SLC30A9: variants seen among roughly 807,000 people sequenced by gnomAD.
SLC30A9 encodes proton-coupled zinc antiporter SLC30A9, mitochondrial.
SLC30A9 carries 58 observed loss-of-function variants against 87.5 expected under a neutral mutation model. The observed-to-expected ratio is 0.66, with a 90% confidence interval of 0.54 to 0.82. The LOEUF is 0.82. Ranked by LOEUF, SLC30A9 falls within the 40% of genes least tolerant of loss-of-function variation. The pLI is 0.00. For missense variants in SLC30A9, 557 were observed against 679.1 expected (o/e 0.82, Z 2.00); for synonymous variants, 234 against 233.0 (o/e 1.00, Z -0.04).
intron 1 of SLC30A9, among the ~76,000 whole-genome samples, chr4:41,996,144 T>C (rs1714689077): frequency 6.6e-6 from 1 of 152,050 alleles, no homozygotes; most frequent in African/African-American, 2.4e-5. Context: ...TTTCCCAGGC[T>C]GAAATGCAAT....
intron 6 of SLC30A9, among the ~76,000 whole-genome samples, chr4:42,032,323 C>G (rs187335885): frequency 4.1e-4 from 63 of 152,188 alleles, no homozygotes; most frequent in African/African-American, 1.5e-3. Context: ...GTTTGCCAAC[C>G]CTATTTCAAT....
chr4:42,023,525 A>G, intron 6 of SLC30A9, 141 bp downstream of exon 6: 1 of 578,592 alleles, frequency 1.7e-6, no homozygotes, highest in Non-Finnish European at 3.1e-6. Flanking sequence ...CCGTTTTGGG[A>G]TTCAATTATT....
intron 8 of SLC30A9, among the ~76,000 whole-genome samples, chr4:42,046,480 A>T (rs569983018): frequency 5.3e-5 from 8 of 152,238 alleles, no homozygotes; most frequent in Non-Finnish European, 1.0e-4. Flanking sequence ...TCCCATTCAC[A>T]GTTGCTACAA....
chr4:42,033,638 C>T (rs563374304), intron 6 of SLC30A9, among the ~76,000 whole-genome samples: 2 of 152,056 alleles, frequency 1.3e-5, no homozygotes, highest in African/African-American at 2.4e-5. Flanking sequence ...TGCAGTGGCA[C>T]GATCTTGGCT....
Position 41,991,593 on chromosome 4 carries a change from A to G in SLC30A9, c.109+833A>G, listed in dbSNP as rs534074243. 1.4e-4 allele frequency among the ~76,000 whole-genome samples: 21 copies of G among 152,326 alleles called. No homozygotes were observed. The East Asian group carries it at 3.3e-3, about 24-fold the overall frequency. On this transcript the variant is annotated intron_variant, in intron 1 of 17. Transcript: ENST00000264451. ...AGTCCACCCTTAACCTAATCCCTCCATTCTTGGGATGCAGAGAGTATTTAC... is the reference window on the plus strand; with the variant it reads ...AGTCCACCCTTAACCTAATCCCTCCGTTCTTGGGATGCAGAGAGTATTTAC...
At chr4:41,996,274 T>G (rs1714700080) in intron 1 of SLC30A9, among the ~76,000 whole-genome samples, 1 of 151,818 alleles carries the variant, frequency 6.6e-6, no homozygotes, top group Non-Finnish European at 1.5e-5. Flanking sequence ...TTTTGTGTTT[T>G]TAGTAGAGAT....
At chr4:42,001,516 A>G in intron 1 of SLC30A9, 100 bp from the exon 2 acceptor site, 1 of 565,718 alleles carries the variant, frequency 1.8e-6, no homozygotes, top group East Asian at 3.2e-5. Context: ...TTTCATGTGT[A>G]CCTAGAAGCA....
At chr4:42,007,144 C>CT (rs1031971544) in intron 2 of SLC30A9, among the ~76,000 whole-genome samples, 17 of 151,612 alleles carry the variant, frequency 1.1e-4, no homozygotes, top group Non-Finnish European at 2.1e-4. Context: ...AATAATAATG[C>CT]TTTTTTTTAA....
At chr4:42,027,546 T>A (rs1281904887) in intron 6 of SLC30A9, among the ~76,000 whole-genome samples, 2 of 152,034 alleles carry the variant, frequency 1.3e-5, no homozygotes, top group Non-Finnish European at 2.9e-5. Context: ...TAAGTCACAG[T>A]TGAGCATGGA....
At chr4:42,058,333 C>T (rs1437537672) in intron 9 of SLC30A9, among the ~76,000 whole-genome samples, 2 of 152,178 alleles carry the variant, frequency 1.3e-5, no homozygotes, top group African/African-American at 2.4e-5. Context: ...TCTGAGACCA[C>T]CTCAGCCTGG....
intron 17 of SLC30A9, among the ~76,000 whole-genome samples, chr4:42,083,122 A>G (rs900662041): frequency 1.9e-4 from 29 of 152,202 alleles, no homozygotes; most frequent in African/African-American, 6.5e-4. Context: ...AGGCTGCTGT[A>G]GCATTCATAA....
chr4:42,022,901 T>C lies in SLC30A9; in HGVS notation c.498T>C (p.Thr166=). The C allele has an allele frequency of 6.3e-7, 1 of 1,592,642 alleles. No homozygotes were observed. Among genetic ancestry groups the C allele is most frequent in the Non-Finnish European group, 8.6e-7 (1 of 1,166,674 alleles). Residue 166 remains threonine, a synonymous_variant, in exon 5 of 18, where the codon ACT becomes ACC. Transcript: ENST00000264451. The part of the protein sequence containing the change: ...RSPHEDTESF[T]VYLRSDVEAK... ...CCCATGAAGATACTGAGTCTTTTAC[T>C]GTATACTTGAGATCAGATGTGGAAG...
rs947655589 is a variant in SLC30A9, at chr4:42,001,781, G to A, written c.274+1G>A. 6.3e-7 allele frequency: 1 copy of A among 1,597,330 alleles called. No homozygotes were observed. The highest frequency in any genetic ancestry group is 1.4e-5 in the African/African-American group (1 of 73,934). ...GAAAAAGTACCATCATTTGAAACAG[G>A]TATGTGTAATTTTTTTAATGTACTT... On this transcript the variant is annotated splice_donor_variant, in intron 2 of 17. Transcript: ENST00000264451. LOFTEE classifies it high-confidence loss of function.
In SLC30A9 at chr4:42,067,186, A is replaced by G. The variant is rs773628644; in HGVS notation, c.1246A>G (p.Ile416Val). ...AGCCACTTGCATGGGCCTTACTTCT[A>G]TAACAGGTAAATATTCCTTAAATTA... is the stretch of plus-strand genomic sequence containing the variant. ...IAATCMGLTS[I>V]TGNPLYDSLG... The change falls in exon 14 of 18, where the codon ATA becomes GTA. Residue 416 changes from isoleucine (I) to valine (V), a missense_variant. Physicochemically the swap from Ile to Val is conservative, Grantham distance 29. Transcript: ENST00000264451. 5.6e-5 allele frequency: 87 copies of G among 1,560,974 alleles called. No homozygotes were observed. Among genetic ancestry groups the G allele is most frequent in the Non-Finnish European group, 6.8e-5 (77 of 1,132,246 alleles).
At chr4:41,995,770 C>G (rs920088481) in intron 1 of SLC30A9, among the ~76,000 whole-genome samples, 1 of 152,242 alleles carries the variant, frequency 6.6e-6, no homozygotes, top group Non-Finnish European at 1.5e-5. Context: ...AGTGCACTGA[C>G]AGGATCACAG....
intron 1 of SLC30A9, among the ~76,000 whole-genome samples, chr4:41,997,189 T>G (rs1047533141): frequency 6.6e-6 from 1 of 152,012 alleles, no homozygotes; most frequent in African/African-American, 2.4e-5. Flanking sequence ...TGTTTTTTAC[T>G]CTGCTCTGGC....
At chr4:42,029,447 C>A in intron 6 of SLC30A9, 1 of 650,056 alleles carries the variant, frequency 1.5e-6, no homozygotes, top group Admixed American at 2.0e-5. Context: ...CCAGGATTAA[C>A]ACAGATTTCT....
At chr4:42,057,191 G>A (rs114125293) in intron 9 of SLC30A9, among the ~76,000 whole-genome samples, 3,004 of 152,278 alleles carry the variant, frequency 0.02, 56 homozygotes, top group Middle Eastern at 0.061. Flanking sequence ...GGCAATGGCC[G>A]CCCTCTGCTC....
At chr4:42,001,085 T>G (rs1187837485) in intron 1 of SLC30A9, among the ~76,000 whole-genome samples, 1 of 152,088 alleles carries the variant, frequency 6.6e-6, no homozygotes, top group Non-Finnish European at 1.5e-5. Flanking sequence ...TAGTCTTCTA[T>G]TCTTCACTCA....
Sources: allele counts gnomAD v4.1 joint callset (sites outside exome capture counted in the v4.1 genomes callset), GRCh38; gene constraint gnomAD v4.1.1; transcripts MANE v1.5; gene names NCBI Gene and HGNC (gene_info 2026-07-23, HGNC 2026-07-21).